Variants in IFT80 observed in about 807,000 individuals in gnomAD.
IFT80 encodes the protein intraflagellar transport 80, also known as intraflagellar transport protein 80 homolog.
In IFT80, 79 loss-of-function variants were observed where a neutral mutation model predicts 107.9. The observed-to-expected ratio is 0.73, with a 90% CI of 0.61 to 0.88. IFT80 has a LOEUF of 0.88. Among genes scored for constraint, IFT80 ranks in the 40% least tolerant of loss-of-function variants. The pLI is 0.00. For synonymous variants in IFT80, 299 were observed against 300.9 expected, an observed-to-expected ratio of 0.99 and a Z score of 0.07; for missense variants, 797 against 914.2, an observed-to-expected ratio of 0.87 and a Z score of 1.65.
intron 8 of IFT80, among the ~76,000 whole-genome samples, chr3:160,320,640 A>G (rs1363564906): frequency 2.6e-5 from 4 of 151,774 alleles, no homozygotes; most frequent in Non-Finnish European, 5.9e-5. Flanking sequence ...AACATATGTT[A>G]TTTGCTAGGA....
intron 9 of IFT80, 30 bp downstream of exon 9, chr3:160,319,730 G>C: frequency 6.4e-7 from 1 of 1,571,294 alleles, no homozygotes; most frequent in Non-Finnish European, 8.8e-7. Context: ...AAAAGAAGCA[G>C]GTTTAATCAA....
chr3:160,285,159 C>T (rs1023089322), intron 13 of IFT80, among the ~76,000 whole-genome samples: 65 of 151,786 alleles, frequency 4.3e-4, no homozygotes, highest in African/African-American at 1.4e-3. Flanking sequence ...GGCAACATGG[C>T]GAAACCCTGT....
At chr3:160,316,063 T>C (rs1047406188) in intron 9 of IFT80, among the ~76,000 whole-genome samples, 37 of 152,118 alleles carry the variant, frequency 2.4e-4, no homozygotes, top group Admixed American at 5.9e-4. Flanking sequence ...TTCTAGTAAA[T>C]AGAATATGGC....
At chr3:160,278,083 G>T (rs1477200411) in intron 16 of IFT80, among the ~76,000 whole-genome samples, 1 of 152,200 alleles carries the variant, frequency 6.6e-6, no homozygotes, top group Non-Finnish European at 1.5e-5. Context: ...GATAGTGAGG[G>T]TACAGAAGTC....
chr3:160,312,079 C>T (rs796480522), intron 9 of IFT80, among the ~76,000 whole-genome samples: 22 of 152,302 alleles, frequency 1.4e-4, no homozygotes, highest in African/African-American at 5.1e-4. Flanking sequence ...CAGCGCCCGG[C>T]CAGTAGTCAG....
intron 5 of IFT80, among the ~76,000 whole-genome samples, chr3:160,366,696 CAGT>C (rs573796198): frequency 5.9e-5 from 9 of 152,022 alleles, no homozygotes; most frequent in African/African-American, 2.2e-4. Flanking sequence ...TGTGGGTACA[CAGT>C]AGATATATAT....
rs552742794 is a variant in IFT80, at chr3:160,323,684, C to A, written c.778-3745G>T. On this transcript the variant is annotated intron_variant, in intron 8 of 19. Coordinates refer to ENST00000326448, the MANE Select transcript of IFT80 (RefSeq NM_020800.3). ...GTCCACAAGAGAAGCAGGAAAGATC[C>A]AAAATTGACACCCTAACATCACAAT... Among the ~76,000 whole-genome samples the A allele has an allele frequency of 1.1e-4, 17 of 151,598 alleles. No homozygotes were observed. The South Asian group carries it at 1.3e-3, about 11-fold the overall frequency.
chr3:160,269,625 G>A lies in IFT80; in HGVS notation c.2100-1089C>T, dbSNP rs527858870. On this transcript the variant is annotated intron_variant, in intron 18 of 19. Transcript: ENST00000326448. ...TATACACTGATGATAATTTGTAGGA[G>A]AATAAAAAGATTAATCCTCAGTTCC... Among the ~76,000 whole-genome samples, 18 of 152,286 alleles carry A rather than the reference G, an allele frequency of 1.2e-4. No homozygotes were observed. The South Asian group carries it at 3.5e-3, about 30-fold the overall frequency.
Position 160,303,960 on chromosome 3 carries a change from A to T in IFT80, c.1106T>A (p.Phe369Tyr). Residue 369 changes from phenylalanine to tyrosine, a missense_variant, in exon 11 of 20, where the codon TTT (phenylalanine) becomes TAT (tyrosine). By Grantham distance (22) the Phe-to-Tyr change is conservative (BLOSUM62 3). Transcript: ENST00000326448. ...ACTAACAGTTCCTTCTTTGAGATCA[A>T]ATATAATTGGTGTGTTCCAGTTCTT... is the stretch of plus-strand genomic sequence containing the variant. Reference protein sequence around the residue: ...STKNWNTPIIFDLKEGTVSLI... With the variant: ...STKNWNTPIIYDLKEGTVSLI... The T allele has an allele frequency of 6.2e-7, 1 of 1,611,630 alleles. No individual in the cohort carries two copies. Among genetic ancestry groups the T allele is most frequent in the African/African-American group, 1.3e-5 (1 of 74,976 alleles).
intron 1 of IFT80, among the ~76,000 whole-genome samples, chr3:160,384,917 A>G (rs1712809315): frequency 6.6e-6 from 1 of 152,208 alleles, no homozygotes; most frequent in Non-Finnish European, 1.5e-5. Context: ...TCAGGTAAAG[A>G]ATTTCCATGT....
chr3:160,387,460 C>T (rs571305736), intron 1 of IFT80, among the ~76,000 whole-genome samples: 3 of 152,240 alleles, frequency 2.0e-5, no homozygotes, highest in East Asian at 1.9e-4. Flanking sequence ...GCCGAGATCA[C>T]GCTACTGCAC....
chr3:160,311,017 C>G (rs6441309), intron 9 of IFT80, among the ~76,000 whole-genome samples: 2,362 of 152,088 alleles, frequency 0.016, 64 homozygotes, highest in African/African-American at 0.053. Flanking sequence ...CCCAGCTACT[C>G]GGGAGGCTGA....
chr3:160,258,374 C>T lies in IFT80; in HGVS notation c.*151G>A. ...ATACATCAATTACTTTGTGTTTCAT[C>T]TTTCTGCATGTACTTTTACACTAAA... On this transcript the variant is annotated 3_prime_UTR_variant, in exon 20 of 20. Coordinates refer to ENST00000326448, the MANE Select transcript of IFT80 (RefSeq NM_020800.3). The T allele has an allele frequency of 1.1e-6, 1 of 915,922 alleles. No individual in the cohort carries two copies. The highest frequency in any genetic ancestry group is 1.6e-6 in the Non-Finnish European group (1 of 606,982). 56.7% of individuals were successfully genotyped at this position (915,922 alleles called of 1,614,324 possible).
chr3:160,392,505 C>A (rs895145461), intron 1 of IFT80, among the ~76,000 whole-genome samples: 1 of 152,196 alleles, frequency 6.6e-6, no homozygotes, highest in Non-Finnish European at 1.5e-5. Flanking sequence ...CACATTCTTA[C>A]CCATCTTGGT....
intron 4 of IFT80, among the ~76,000 whole-genome samples, chr3:160,376,980 C>T (rs1406700496): frequency 6.6e-6 from 1 of 152,182 alleles, no homozygotes; most frequent in Non-Finnish European, 1.5e-5. Flanking sequence ...AAACTGATCC[C>T]TGACCCACAG....
rs530934983 is a variant in IFT80 at position 160,313,737 on chromosome 3, G to T, written c.958-5956C>A. On this transcript the variant is annotated intron_variant, in intron 9 of 19. Coordinates refer to ENST00000326448, the MANE Select transcript of IFT80 (RefSeq NM_020800.3). The stretch of plus-strand genomic sequence containing the variant: ...TGATTCTCCTGCCTCAGCCTTCTGA[G>T]TAACTGGGACTACAGGCACAAGCCA... Among the ~76,000 whole-genome samples, 14 of 151,892 alleles carry T rather than the reference G, an allele frequency of 9.2e-5. No homozygotes were observed. The South Asian group carries it at 2.5e-3, about 27-fold the overall frequency.
intron 5 of IFT80, among the ~76,000 whole-genome samples, chr3:160,368,240 TTTTG>T (rs1722002249): frequency 2.6e-5 from 4 of 151,874 alleles, no homozygotes; most frequent in Admixed American, 2.0e-4. Context: ...AGACAAATGC[TTTTG>T]TTTAAGAGGT....
intron 1 of IFT80, among the ~76,000 whole-genome samples, chr3:160,388,201 T>C (rs1270837712): frequency 1.3e-5 from 2 of 151,058 alleles, no homozygotes; most frequent in Non-Finnish European, 1.5e-5. Context: ...TGGTTTAATC[T>C]GGTAGGACTT....
chr3:160,270,543 T>C (rs769104858), intron 18 of IFT80, among the ~76,000 whole-genome samples: 17 of 152,222 alleles, frequency 1.1e-4, no homozygotes, highest in Admixed American at 3.9e-4. Context: ...CCATCACACA[T>C]TCTCACAAAA....
Sources: gnomAD v4.1 joint callset for allele counts (sites outside exome capture counted in the v4.1 genomes callset) on GRCh38, gnomAD v4.1.1 for gene constraint, MANE v1.5 for transcripts, NCBI Gene and HGNC (gene_info 2026-07-23, HGNC 2026-07-21) for gene names.